Variants in BTBD9 observed in about 807,000 individuals in gnomAD.
BTBD9 encodes BTB/POZ domain-containing protein 9.
Under a neutral mutation model 64.3 loss-of-function variants are expected in BTBD9, and 49 were observed. The ratio of observed to expected loss-of-function variants is 0.76; its 90% CI spans 0.61 to 0.97. The LOEUF is 0.97. Ranked by LOEUF, BTBD9 falls within the 50% of genes least tolerant of loss-of-function variation. The pLI is 0.00. For missense variants in BTBD9, 598 were observed against 762.1 expected (o/e 0.78, Z 2.53); for synonymous variants, 260 against 274.7 (o/e 0.95, Z 0.53).
chr6:38,539,639 A>T (rs1001271205), intron 6 of BTBD9, among the ~76,000 whole-genome samples: 10 of 152,286 alleles, frequency 6.6e-5, no homozygotes, highest in African/African-American at 2.4e-4. Flanking sequence ...ATTTGATTAC[A>T]TTTTTCTCAG....
At chr6:38,292,555 T>C (rs2127557968) in intron 7 of BTBD9, among the ~76,000 whole-genome samples, 1 of 152,314 alleles carries the variant, frequency 6.6e-6, no homozygotes, top group East Asian at 1.9e-4. Flanking sequence ...GGAGGGTGTA[T>C]GTGTCCAGGA....
chr6:38,228,084 A>G lies in BTBD9; in HGVS notation c.1562+28325T>C, dbSNP rs1239471726. Among the ~76,000 whole-genome samples, 4 of 152,170 alleles carry G rather than the reference A, an allele frequency of 2.6e-5. No individual in the cohort carries two copies. The East Asian group carries it at 7.7e-4, about 29-fold the overall frequency. On this transcript the variant is annotated intron_variant, in intron 9 of 10. Transcript: ENST00000481247. ...ATAACACCAGGAGTCAACCCTGGCC[A>G]GGCACAGTGGCTCAAACCTGTAATC... is the stretch of plus-strand genomic sequence containing the variant.
intron 6 of BTBD9, among the ~76,000 whole-genome samples, chr6:38,414,301 C>T (rs1767568655): frequency 6.6e-6 from 1 of 152,164 alleles, no homozygotes; most frequent in Non-Finnish European, 1.5e-5. Flanking sequence ...CTACTGGGGT[C>T]ATCCAGAAGG....
Position 38,306,357 on chromosome 6 carries a change from C to A in BTBD9, c.1265-17896G>T, listed in dbSNP as rs75592360. 6.9e-3 allele frequency among the ~76,000 whole-genome samples: 1,057 copies of A among 152,300 alleles called. 11 individuals are homozygous for A. Among genetic ancestry groups the A allele is most frequent in the African/African-American group, 0.025 (1,019 of 41,568 alleles). ...CTGGTGTTCCTTTGCCATCCCTCAC[C>A]TACATCCCTATTACAACAGCCTGTG... On this transcript the variant is annotated intron_variant, in intron 7 of 10. Coordinates refer to ENST00000481247, the MANE Select transcript of BTBD9 (RefSeq NM_001099272.2).
intron 6 of BTBD9, chr6:38,402,703 A>G (rs554295388): frequency 1.4e-4 from 90 of 656,612 alleles, no homozygotes; most frequent in African/African-American, 1.0e-3. Flanking sequence ...AGTCAAAACT[A>G]TAATACTTTT....
At chr6:38,332,843 A>G (rs1364470814) in intron 7 of BTBD9, among the ~76,000 whole-genome samples, 1 of 152,192 alleles carries the variant, frequency 6.6e-6, no homozygotes, top group African/African-American at 2.4e-5. Context: ...TTAAAAATTT[A>G]TAGTTTCTTT....
intron 1 of BTBD9, among the ~76,000 whole-genome samples, chr6:38,602,062 C>G (rs189946401): frequency 6.6e-6 from 1 of 152,100 alleles, no homozygotes; most frequent in East Asian, 1.9e-4. Flanking sequence ...ATAGAATGAT[C>G]CAATATTATA....
intron 6 of BTBD9, among the ~76,000 whole-genome samples, chr6:38,407,549 G>A (rs1767223934): frequency 6.6e-6 from 1 of 152,072 alleles, no homozygotes; most frequent in African/African-American, 2.4e-5. Flanking sequence ...TCTAGCTGGG[G>A]TTTTGAAGAA....
chr6:38,608,991 GT>G (rs1410926884), intron 1 of BTBD9, among the ~76,000 whole-genome samples: 2 of 152,144 alleles, frequency 1.3e-5, no homozygotes, highest in African/African-American at 4.8e-5. Context: ...CAGTCTAGGA[GT>G]TACTGTCCAA....
chr6:38,529,274 G>A (rs1357232790), intron 6 of BTBD9, among the ~76,000 whole-genome samples: 1 of 152,156 alleles, frequency 6.6e-6, no homozygotes, highest in East Asian at 1.9e-4. Flanking sequence ...TTGTTTGGGG[G>A]AAAGAAAAGA....
intron 6 of BTBD9, among the ~76,000 whole-genome samples, chr6:38,531,884 C>T (rs1773816758): frequency 6.6e-6 from 1 of 152,156 alleles, no homozygotes; most frequent in Non-Finnish European, 1.5e-5. Flanking sequence ...AGCAAGATGG[C>T]TGAATAAAAG....
At chr6:38,266,651 AAAGAAAGAAAGAAAG>A (rs1765010037) in intron 8 of BTBD9, among the ~76,000 whole-genome samples, 2 of 129,304 alleles carry the variant, frequency 1.5e-5, no homozygotes, top group African/African-American at 3.5e-5. Context: ...AGAAAGAAAG[AAAGAAAGAAAGAAAG>A]AAAGAAAGAA....
At chr6:38,266,606 GAAAGAAAGAAAGA>G (rs1764988309) in intron 8 of BTBD9, among the ~76,000 whole-genome samples, 1 of 2,410 alleles carries the variant, frequency 4.1e-4, no homozygotes, top group Non-Finnish European at 9.3e-4. Context: ...GGAAAGAAAG[GAAAGAAAGAAAGA>G]AAGAAAGAAA....
intron 6 of BTBD9, among the ~76,000 whole-genome samples, chr6:38,411,558 A>T (rs979877117): frequency 2.6e-5 from 4 of 152,178 alleles, no homozygotes; most frequent in Non-Finnish European, 5.9e-5. Context: ...AACAAACAAA[A>T]AATCAGATCC....
chr6:38,468,154 C>T (rs1312721134), intron 6 of BTBD9, among the ~76,000 whole-genome samples: 1 of 152,192 alleles, frequency 6.6e-6, no homozygotes, highest in Non-Finnish European at 1.5e-5. Context: ...GCTGAGATTA[C>T]AGGTGTAAAC....
chr6:38,202,234 G>A (rs979202245), intron 9 of BTBD9, among the ~76,000 whole-genome samples: 2 of 151,590 alleles, frequency 1.3e-5, no homozygotes, highest in Non-Finnish European at 2.9e-5. Flanking sequence ...ATGAGTGTGC[G>A]GCACCACACC....
chr6:38,272,613 C>G (rs1456339062), intron 8 of BTBD9, among the ~76,000 whole-genome samples: 1 of 152,074 alleles, frequency 6.6e-6, no homozygotes, highest in East Asian at 1.9e-4. Flanking sequence ...CTAATGTATA[C>G]AGCTAAAATC....
intron 7 of BTBD9, among the ~76,000 whole-genome samples, chr6:38,303,874 T>TATATAGAC (rs368257334): frequency 4.8e-5 from 4 of 82,648 alleles, no homozygotes; most frequent in Admixed American, 1.3e-4. Flanking sequence ...TATATATATA[T>TATATAGAC]ACACACACAC....
intron 6 of BTBD9, among the ~76,000 whole-genome samples, chr6:38,538,828 G>C (rs1202568873): frequency 6.6e-6 from 1 of 151,266 alleles, no homozygotes; most frequent in Admixed American, 6.6e-5. Context: ...CTGTAGCTGA[G>C]GCTAGAGTGC....
Sources: gnomAD v4.1 joint callset for allele counts (sites outside exome capture counted in the v4.1 genomes callset) on GRCh38, gnomAD v4.1.1 for gene constraint, MANE v1.5 for transcripts, NCBI Gene and HGNC (gene_info 2026-07-23, HGNC 2026-07-21) for gene names.